The following ZNF559 variants were observed in gnomAD, a reference collection of about 807,000 sequenced individuals.
ZNF559 encodes putative protein product of Nbla00121.
ZNF559 carries 17 observed loss-of-function variants against 14.2 expected under a neutral mutation model. The observed-to-expected ratio is 1.20, with a 90% CI of 0.82 to 1.80. The LOEUF is 1.80. Ranked by LOEUF, ZNF559 falls within the 40% of genes most tolerant of loss-of-function variation. The probability of loss-of-function intolerance (pLI) is 0.00; values close to 1 mark genes in which losing one functional copy is unlikely to be tolerated. For synonymous variants in ZNF559, 244 were observed against 212.4 expected, an observed-to-expected ratio of 1.15 and a Z score of -1.29; for missense variants, 740 against 629.7, an observed-to-expected ratio of 1.18 and a Z score of -1.88.
At chr19:9,325,566 G>T (rs2066539904) in intron 2 of ZNF559, among the ~76,000 whole-genome samples, 1 of 152,170 alleles carries the variant, frequency 6.6e-6, no homozygotes, top group Admixed American at 6.5e-5. Flanking sequence ...GCTGAGGCTG[G>T]CGGATCACGA....
intron 2 of ZNF559, among the ~76,000 whole-genome samples, chr19:9,328,694 A>T (rs1409691995): frequency 6.6e-6 from 1 of 152,102 alleles, no homozygotes. Context: ...CAGCATTTTG[A>T]TAGTCTCAGC....
At chr19:9,339,396 G>A in intron 5 of ZNF559, 77 bp downstream of exon 5, 1 of 1,476,714 alleles carries the variant, frequency 6.8e-7, no homozygotes, top group East Asian at 2.3e-5. Context: ...TCTAGACTCT[G>A]CTTGTTAATG....
intron 2 of ZNF559, among the ~76,000 whole-genome samples, chr19:9,326,649 A>G (rs924577470): frequency 2.0e-5 from 3 of 152,212 alleles, no homozygotes; most frequent in African/African-American, 7.2e-5. Flanking sequence ...GTGTGATATC[A>G]TTTTTAATAT....
At chr19:9,323,893 T>C (rs957646727), upstream of ZNF559, 6 of 525,996 alleles carry the variant, frequency 1.1e-5, no homozygotes, top group African/African-American at 1.1e-4. Context: ...CTGTGGAGTA[T>C]GCTTTCGTTT....
rs1000985846 is a variant in ZNF559, at chr19:9,342,510, T to C, written c.1059T>C (p.Tyr353=). Residue 353 remains tyrosine (Y), a synonymous_variant, in exon 7 of 7, where the codon TAT becomes TAC. Transcript: ENST00000603380. ...GAACTCACACTGGAGAAAAGCCTTA[T>C]GAATGTAAGGAATGTGGGAAAGCTT... ...HRRTHTGEKP[Y]ECKECGKAFA... 1.2e-6 allele frequency: 2 copies of C among 1,614,186 alleles called. No homozygotes were observed. The highest frequency in any genetic ancestry group is 1.7e-6 in the Non-Finnish European group (2 of 1,180,012).
rs1019232688 is a variant in ZNF559 at position 9,341,457 on chromosome 19, A to G, written c.244-238A>G. The G allele has an allele frequency of 1.6e-5, 13 of 815,008 alleles. No homozygotes were observed. In the East Asian group the frequency reaches 3.2e-4, roughly 20 times the overall value. 50.5% of individuals were successfully genotyped at this position (815,008 alleles called of 1,614,324 possible). The stretch of plus-strand genomic sequence containing the variant: ...ATTCACTCTTGGGCCGTTATCAGCT[A>G]AGCTCTATTTAGAAGCCCTCTGAAA... On this transcript the variant is annotated intron_variant, in intron 6 of 6. Coordinates refer to ENST00000603380, the MANE Select transcript of ZNF559 (RefSeq NM_032497.3).
At chr19:9,328,326 A>T (rs1487839383) in intron 2 of ZNF559, among the ~76,000 whole-genome samples, 2 of 143,972 alleles carry the variant, frequency 1.4e-5, no homozygotes, top group Admixed American at 1.4e-4. Flanking sequence ...TATGAATTTG[A>T]CATACTATTA....
rs772104811 is a variant in ZNF559, at chr19:9,338,594, A to C, written c.33+12A>C. ...CAAATTACTCTCAGGTAAGTAGGAA[A>C]TTGCTTTTTCTGTAGAAGCATATGC... On this transcript the variant is annotated intron_variant, in intron 4 of 6. Coordinates refer to ENST00000603380, the MANE Select transcript of ZNF559 (RefSeq NM_032497.3). 4 of 1,606,404 alleles carry C rather than the reference A, an allele frequency of 2.5e-6. No individual in the cohort carries two copies. Among genetic ancestry groups the C allele is most frequent in the Non-Finnish European group, 3.4e-6 (4 of 1,173,174 alleles).
chr19:9,343,010 C>A lies in ZNF559; in HGVS notation c.1559C>A (p.Pro520Gln), dbSNP rs2067651655. ...RHLRSHSVEK[P>Q]YKECGQTFSN... The stretch of plus-strand genomic sequence containing the variant: ...CTAAGAAGTCATAGTGTGGAGAAAC[C>A]ATATAAGGAATGTGGGCAAACCTTT... The change falls in exon 7 of 7, where the codon CCA (proline) becomes CAA (glutamine). Residue 520 changes from proline to glutamine, a missense_variant. Physicochemically the swap from Pro to Gln is moderately conservative, Grantham distance 76 (BLOSUM62 -1). Transcript: ENST00000603380. 1.2e-6 allele frequency: 2 copies of A among 1,613,928 alleles called. No individual in the cohort carries two copies. The highest frequency in any genetic ancestry group is 1.7e-6 in the Non-Finnish European group (2 of 1,179,992).
At position 9,341,764 on chromosome 19, in the gene ZNF559, T is replaced by G; in HGVS notation, c.313T>G (p.Cys105Gly). 6.2e-7 allele frequency: 1 copy of G among 1,603,962 alleles called. No individual in the cohort carries two copies. The highest frequency in any genetic ancestry group is 1.1e-5 in the South Asian group (1 of 89,316). The change falls in exon 7 of 7, where the codon TGC becomes GGC. Residue 105 changes from cysteine (C) to glycine (G), a missense_variant. Coordinates refer to ENST00000603380, the MANE Select transcript of ZNF559 (RefSeq NM_032497.3). ...QCEKALSEHSCLKTHRRTYFR... is the reference protein window; with the variant it reads ...QCEKALSEHSGLKTHRRTYFR... The stretch of plus-strand genomic sequence containing the variant: ...TGAAAAAGCCTTGAGTGAACACTCA[T>G]GCCTTAAGACTCACAGGAGAACTTA...
Position 9,324,657 on chromosome 19 carries a change from A to T in ZNF559, c.-205-38A>T, listed in dbSNP as rs776225104. 9.2e-5 allele frequency: 120 copies of T among 1,303,882 alleles called. No individual in the cohort carries two copies. In the Middle Eastern group the frequency reaches 2.9e-3, roughly 31 times the overall value. 80.8% of individuals were successfully genotyped at this position (1,303,882 alleles called of 1,614,324 possible). On this transcript the variant is annotated intron_variant, in intron 1 of 6. Transcript: ENST00000603380. ...CCATCTCTAATGGAAAAAAAAAAAA[A>T]AGTCTCCACATCCAGCGTTGTGCCT...
intron 1 of ZNF559, 91 bp downstream of exon 1, chr19:9,324,319 G>C: frequency 5.2e-6 from 8 of 1,535,130 alleles, no homozygotes; most frequent in Non-Finnish European, 7.0e-6. Context: ...CCAGTGAAAT[G>C]GAGCCTGTCC....
At position 9,342,884 on chromosome 19, in the gene ZNF559, C is replaced by T. The variant is rs567233753; in HGVS notation, c.1433C>T (p.Ser478Leu). The change falls in exon 7 of 7, where the codon TCA (serine) becomes TTA (leucine). Residue 478 changes from serine to leucine, a missense_variant. Transcript: ENST00000603380. ...TGTGGGCAAGCCTTCAGTATCTCATCAGGCCTTACAGTACACATGAGAACT... is the reference window on the plus strand; with the variant it reads ...TGTGGGCAAGCCTTCAGTATCTCATTAGGCCTTACAGTACACATGAGAACT... ...QKCGQAFSIS[S>L]GLTVHMRTHT... The T allele has an allele frequency of 5.0e-6, 8 of 1,614,144 alleles. No homozygotes were observed. The Admixed American group carries it at 8.3e-5, about 17-fold the overall frequency.
chr19:9,324,443 C>G, intron 1 of ZNF559: 1 of 1,437,166 alleles, frequency 7.0e-7, no homozygotes, highest in Non-Finnish European at 9.1e-7. Context: ...GCTGGGGCCT[C>G]GGCCCGGGAG....
At chr19:9,332,353 G>GTGTGTATA (rs1555728475) in intron 2 of ZNF559, among the ~76,000 whole-genome samples, 6 of 97,438 alleles carry the variant, frequency 6.2e-5, no homozygotes, top group Non-Finnish European at 1.2e-4. Context: ...GTATGTGTGT[G>GTGTGTATA]TGTATATATA....
In ZNF559 at chr19:9,336,084, G is replaced by A. The variant is rs555393260; in HGVS notation, c.-119-1712G>A. Among the ~76,000 whole-genome samples, 15 of 152,220 alleles carry A rather than the reference G, an allele frequency of 9.9e-5. No individual in the cohort carries two copies. The East Asian group carries it at 2.3e-3, about 24-fold the overall frequency. On this transcript the variant is annotated intron_variant, in intron 2 of 6. Coordinates refer to ENST00000603380, the MANE Select transcript of ZNF559 (RefSeq NM_032497.3). ...AGTGAACCATTATTATTACTCTATT[G>A]CTTTGGATAAAAAGTTGAGTGTCAA...
In ZNF559 at chr19:9,342,784, GC is replaced by G; in HGVS notation, c.1335del (p.Phe446LeufsTer39). The G allele has an allele frequency of 6.2e-6, 10 of 1,614,068 alleles. No homozygotes were observed. The African/African-American group carries it at 6.7e-5, about 11-fold the overall frequency. On this transcript the variant is annotated frameshift_variant, in exon 7 of 7. Transcript: ENST00000603380. LOFTEE classifies it low-confidence loss of function (END_TRUNC). ...TTTTGAATGTGAGGAATGTGGGAAAGCCTTTAGATACTCCTCGCACCTTAGT... is the reference window on the plus strand; with the variant it reads ...TTTTGAATGTGAGGAATGTGGGAAAGCTTTAGATACTCCTCGCACCTTAGT... The part of the protein sequence containing the change: ...RPFECEECGK[A>X]FRYSSHLSQH...
Position 9,341,940 on chromosome 19 carries a change from T to C in ZNF559, c.489T>C (p.Val163=). The stretch of plus-strand genomic sequence containing the variant: ...CCTTCAGCCAACATCTACATCTTGT[T>C]TGCAAGAAAACTAGCCAAAATCTAC... ...ETAFSQHLHL[V]CKKTSQNLHL... The change falls in exon 7 of 7, where the codon GTT becomes GTC. Residue 163 remains valine (V), a synonymous_variant. Transcript: ENST00000603380. 6.2e-7 allele frequency: 1 copy of C among 1,613,788 alleles called. No homozygotes were observed. Among genetic ancestry groups the C allele is most frequent in the Non-Finnish European group, 8.5e-7 (1 of 1,179,920 alleles).
At chr19:9,336,034 C>T (rs886208438) in intron 2 of ZNF559, among the ~76,000 whole-genome samples, 20 of 152,268 alleles carry the variant, frequency 1.3e-4, no homozygotes, top group African/African-American at 4.1e-4. Context: ...ATTGGCTTAG[C>T]CTTAGCAGTA....
Sources: gnomAD v4.1 joint callset for allele counts (sites outside exome capture counted in the v4.1 genomes callset) on GRCh38, gnomAD v4.1.1 for gene constraint, MANE v1.5 for transcripts, NCBI Gene and HGNC (gene_info 2026-07-23, HGNC 2026-07-21) for gene names.